Variants in MGAM2 observed in about 807,000 individuals in gnomAD.
MGAM2 encodes probable maltase-glucoamylase 2.
In MGAM2, 98 loss-of-function variants were observed where a neutral mutation model predicts 96.1. The ratio of observed to expected loss-of-function variants is 1.02; its 90% CI spans 0.87 to 1.21. The LOEUF (loss-of-function observed/expected upper bound fraction) is 1.21, where lower values mean the gene tolerates loss of function less well. Among genes scored for constraint, MGAM2 ranks in the 50% most tolerant of loss-of-function variants. The probability of loss-of-function intolerance (pLI) is 0.00; values close to 1 mark genes in which losing one functional copy is unlikely to be tolerated. For missense variants in MGAM2, 2,055 were observed against 1,182.4 expected, an observed-to-expected ratio of 1.74 and a Z score of -10.82; for synonymous variants, 749 against 414.8, an observed-to-expected ratio of 1.81 and a Z score of -9.79.
rs975623358 is a variant in MGAM2, at chr7:142,154,065, G to A, written c.1682G>A (p.Arg561His). Reference sequence around the variant, plus strand: ...AATAATAGGAGCTTCATCTTATCCCGTTCTACTTTTGCTGGATCTGGCAAA... The same window carrying A: ...AATAATAGGAGCTTCATCTTATCCCATTCTACTTTTGCTGGATCTGGCAAA... Reference protein sequence around the residue: ...FMNNRSFILSRSTFAGSGKFA... With the variant: ...FMNNRSFILSHSTFAGSGKFA... The change falls in exon 16 of 48, where the codon CGT becomes CAT. Residue 561 changes from arginine (R) to histidine (H), a missense_variant. Transcript: ENST00000477922. The A allele has an allele frequency of 2.4e-5, 17 of 694,850 alleles. No individual in the cohort carries two copies. The highest frequency in any genetic ancestry group is 6.0e-5 in the Admixed American group (3 of 49,892). 43.0% of individuals were successfully genotyped at this position (694,850 alleles called of 1,614,324 possible). A position where few individuals can be genotyped will look rare whatever the true frequency, so the allele number is the denominator to read the frequency against.
chr7:142,154,984 A>G, intron 17 of MGAM2, 139 bp downstream of exon 17: 1 of 613,986 alleles, frequency 1.6e-6, no homozygotes, highest in Non-Finnish European at 2.9e-6. Context: ...TCATAGCCTT[A>G]AAAAGCAGGG....
At position 142,143,818 on chromosome 7, in the gene MGAM2, C is replaced by T. The variant is rs1795306959; in HGVS notation, c.1367C>T (p.Thr456Ile). ...CCCGATTATACCAATCCAGTATGCA[C>T]TGAGTGGTGGACAGATCAGGTCGCT... ...VFPDYTNPVC[T>I]EWWTDQVAKF... The change falls in exon 13 of 48, where the codon ACT (threonine) becomes ATT (isoleucine). Residue 456 changes from threonine (T) to isoleucine (I), a missense_variant. Thr to Ile is a moderately conservative substitution (Grantham distance 89). Coordinates refer to ENST00000477922, the MANE Select transcript of MGAM2 (RefSeq NM_001293626.2). 1 of 701,978 alleles carries T rather than the reference C, an allele frequency of 1.4e-6. No individual in the cohort carries two copies. Among genetic ancestry groups the T allele is most frequent in the African/African-American group, 1.7e-5 (1 of 57,214 alleles). The allele number at this position is 701,978 out of a possible 1,614,324, so 43.5% of individuals were successfully genotyped here.
intron 37 of MGAM2, among the ~76,000 whole-genome samples, chr7:142,191,796 A>C (rs1486019900): frequency 1.3e-5 from 2 of 152,190 alleles, no homozygotes; most frequent in Non-Finnish European, 2.9e-5. Flanking sequence ...TCTATAAATC[A>C]GTTTGGTGAG....
intron 10 of MGAM2, 50 bp downstream of exon 10, chr7:142,138,717 ATT>A (rs1373563142): frequency 3.0e-6 from 2 of 665,600 alleles, no homozygotes; most frequent in Admixed American, 4.5e-5. Flanking sequence ...TCCCATTTTT[ATT>A]TTTTGCATTA....
At position 142,172,639 on chromosome 7, in the gene MGAM2, G is replaced by T; in HGVS notation, c.3449-13G>T. ...TCCAAGGATGTGCCTCATGTGTGTT[G>T]TTTTTCTTACAGATGTGACATTACA... On this transcript the variant is annotated splice_polypyrimidine_tract_variant and intron_variant, in intron 29 of 47. Transcript: ENST00000477922. 1 of 691,006 alleles carries T rather than the reference G, an allele frequency of 1.4e-6. No homozygotes were observed. The highest frequency in any genetic ancestry group is 2.6e-6 in the Non-Finnish European group (1 of 381,078). The allele number at this position is 691,006 out of a possible 1,614,324, so 42.8% of individuals were successfully genotyped here.
At chr7:142,208,467 G>C (rs1230123987) in intron 45 of MGAM2, 106 bp from the exon 46 acceptor site, 5 of 671,078 alleles carry the variant, frequency 7.5e-6, no homozygotes, top group Non-Finnish European at 1.4e-5. Flanking sequence ...ACAATCATCA[G>C]TAACTGTGAC....
At chr7:142,114,199 A>G (rs1817296533) in intron 1 of MGAM2, among the ~76,000 whole-genome samples, 3 of 101,054 alleles carry the variant, frequency 3.0e-5, no homozygotes, top group Non-Finnish European at 1.9e-5. Context: ...AGAAAGAAAG[A>G]AAGAAAGAAA....
intron 32 of MGAM2, among the ~76,000 whole-genome samples, chr7:142,179,804 G>C (rs1796485346): frequency 6.6e-6 from 1 of 152,078 alleles, no homozygotes; most frequent in South Asian, 2.1e-4. Flanking sequence ...GTTCATCAGG[G>C]ATATCAGCCT....
Position 142,199,720 on chromosome 7 carries a change from T to A in MGAM2, c.5049-160T>A, listed in dbSNP as rs566498992. Among the ~76,000 whole-genome samples, 5 of 152,360 alleles carry A rather than the reference T, an allele frequency of 3.3e-5. 1 individual carries two copies. The highest frequency in any genetic ancestry group is 1.2e-4 in the African/African-American group (5 of 41,590). ...TAAACGTTTTCCATTAACTTTTAAA[T>A]GTCTTATATTTTATCTATTGTACCT... On this transcript the variant is annotated intron_variant, in intron 44 of 47. Transcript: ENST00000477922.
At chr7:142,185,237 A>G (rs1343179366) in intron 34 of MGAM2, 98 bp downstream of exon 34, 2 of 629,768 alleles carry the variant, frequency 3.2e-6, no homozygotes, top group African/African-American at 1.8e-5. Context: ...TCAGTTAAGT[A>G]GCCCTAACTT....
chr7:142,144,154 A>G (rs1333184251), intron 13 of MGAM2, among the ~76,000 whole-genome samples: 1 of 152,192 alleles, frequency 6.6e-6, no homozygotes, highest in African/African-American at 2.4e-5. Context: ...GCTTAAAAAT[A>G]CTGTTTTATT....
At chr7:142,214,697 A>C (rs182708003) in intron 46 of MGAM2, among the ~76,000 whole-genome samples, 1 of 152,336 alleles carries the variant, frequency 6.6e-6, no homozygotes, top group Non-Finnish European at 1.5e-5. Context: ...GATAGGAAGA[A>C]TCAGTATCGT....
intron 33 of MGAM2, among the ~76,000 whole-genome samples, chr7:142,183,946 G>GC (rs1796615269): frequency 8.5e-6 from 1 of 118,132 alleles, no homozygotes; most frequent in Non-Finnish European, 1.7e-5. Context: ...TGTATTCCAG[G>GC]CTCCTTTTTT....
intron 31 of MGAM2, among the ~76,000 whole-genome samples, chr7:142,174,363 T>A (rs927192853): frequency 6.6e-6 from 1 of 152,196 alleles, no homozygotes; most frequent in Non-Finnish European, 1.5e-5. Context: ...AACAGTGGTT[T>A]GTAGTTCTCC....
At chr7:142,181,190 C>T (rs190575623) in intron 32 of MGAM2, among the ~76,000 whole-genome samples, 14 of 152,190 alleles carry the variant, frequency 9.2e-5, no homozygotes, top group South Asian at 2.1e-4. Flanking sequence ...TTTTTGAAGT[C>T]GCTGTCTTTT....
chr7:142,120,471 G>A, intron 3 of MGAM2, 90 bp downstream of exon 3: 1 of 618,112 alleles, frequency 1.6e-6, no homozygotes, highest in Non-Finnish European at 2.9e-6. Context: ...GGGGTGGCAT[G>A]GCTTCTGGGC....
chr7:142,128,947 C>T lies in MGAM2; in HGVS notation c.187-2001C>T, dbSNP rs146283871. On this transcript the variant is annotated intron_variant, in intron 3 of 47. Transcript: ENST00000477922. ...TCCAGCCCCCAGAATGGTAGATCCACTGATGGCTTGCACTGCATGCCCGGA... is the reference window on the plus strand; with the variant it reads ...TCCAGCCCCCAGAATGGTAGATCCATTGATGGCTTGCACTGCATGCCCGGA... Among the ~76,000 whole-genome samples, 216 of 152,370 alleles carry T rather than the reference C, an allele frequency of 1.4e-3. 1 individual carries two copies. The highest frequency in any genetic ancestry group is 4.9e-3 in the African/African-American group (203 of 41,596).
chr7:142,185,899 T>C lies in MGAM2; in HGVS notation c.3988-90T>C, dbSNP rs1347309583. On this transcript the variant is annotated intron_variant, in intron 34 of 47. Coordinates refer to ENST00000477922, the MANE Select transcript of MGAM2 (RefSeq NM_001293626.2). ...TCTGAGATTAGAGCAGAGACTGATC[T>C]GGGCAGGCACAAATTCCTGTTCATC... is the stretch of plus-strand genomic sequence containing the variant. The C allele has an allele frequency of 4.7e-6, 3 of 636,362 alleles. No individual in the cohort carries two copies. In the African/African-American group the frequency reaches 5.4e-5, roughly 11 times the overall value. The allele number at this position is 636,362 out of a possible 1,614,324, so 39.4% of individuals were successfully genotyped here. A position where few individuals can be genotyped will look rare whatever the true frequency, so the allele number is the denominator to read the frequency against.
intron 37 of MGAM2, among the ~76,000 whole-genome samples, chr7:142,191,595 T>C (rs1796870922): frequency 6.6e-6 from 1 of 151,994 alleles, no homozygotes; most frequent in South Asian, 2.1e-4. Context: ...CATTGATCTC[T>C]CTCTCTCTAT....
Sources: allele counts gnomAD v4.1 joint callset (sites outside exome capture counted in the v4.1 genomes callset), GRCh38; gene constraint gnomAD v4.1.1; transcripts MANE v1.5; gene names NCBI Gene and HGNC (gene_info 2026-07-23, HGNC 2026-07-21).